The following FHIT variants were observed in gnomAD, a reference collection of about 807,000 sequenced individuals.
FHIT encodes fragile histidine triad diadenosine triphosphatase, also known as bis(5'-adenosyl)-triphosphatase.
A neutral mutation model predicts 17.9 loss-of-function variants in FHIT; 19 were observed. The observed-to-expected ratio is 1.06, with a 90% CI of 0.74 to 1.56. The LOEUF (loss-of-function observed/expected upper bound fraction) is 1.56. FHIT is among the 40% of genes most tolerant of loss of function. The probability of loss-of-function intolerance (pLI) is 0.00; values close to 1 mark genes in which losing one functional copy is unlikely to be tolerated. For missense variants in FHIT, 248 were observed against 189.2 expected (o/e 1.31, Z -1.82); for synonymous variants, 81 against 69.7 (o/e 1.16, Z -0.81).
In FHIT at chr3:59,791,285, G is replaced by T. The variant is rs181724083; in HGVS notation, c.349-38964C>A. 2.2e-4 allele frequency among the ~76,000 whole-genome samples: 33 copies of T among 152,212 alleles called. No individual in the cohort carries two copies. The East Asian group carries it at 6.2e-3, about 29-fold the overall frequency. On this transcript the variant is annotated intron_variant, in intron 8 of 9. Coordinates refer to ENST00000492590, the MANE Select transcript of FHIT (RefSeq NM_002012.4). ...CTGTAGCTTAACTTGGGCCAGCATG[G>T]TCTGTGCAAAGTTTTTATAGGCATT...
intron 3 of FHIT, among the ~76,000 whole-genome samples, chr3:61,007,867 G>A (rs978353615): frequency 6.6e-6 from 1 of 152,028 alleles, no homozygotes; most frequent in Non-Finnish European, 1.5e-5. Context: ...CACTAAATTC[G>A]GCCCCCACCC....
At chr3:60,015,281 T>C (rs982323084) in intron 5 of FHIT, among the ~76,000 whole-genome samples, 6 of 152,134 alleles carry the variant, frequency 3.9e-5, no homozygotes, top group Admixed American at 6.5e-5. Context: ...AGGCCTGATT[T>C]CCATAAGAGA....
chr3:60,956,626 G>A (rs1185727825), intron 3 of FHIT, among the ~76,000 whole-genome samples: 8 of 152,144 alleles, frequency 5.3e-5, no homozygotes, highest in African/African-American at 1.7e-4. Context: ...TGTCTACACC[G>A]GGTTTAATCA....
At chr3:61,216,897 A>C (rs2039694242) in intron 1 of FHIT, among the ~76,000 whole-genome samples, 1 of 151,992 alleles carries the variant, frequency 6.6e-6, no homozygotes, top group African/African-American at 2.4e-5. Flanking sequence ...CGCAAGGACA[A>C]AAAACCAAAC....
chr3:60,027,148 C>CAGACAAAAA lies in FHIT; in HGVS notation c.104-12997_104-12996insTTTTTGTCT, dbSNP rs1553654525. 2.9e-4 allele frequency among the ~76,000 whole-genome samples: 37 copies of CAGACAAAAA among 125,842 alleles called. 1 individual carries two copies. Among genetic ancestry groups the CAGACAAAAA allele is most frequent in the African/African-American group, 9.2e-4 (34 of 36,948 alleles). 82.6% of individuals were successfully genotyped at this position (125,842 alleles called of 152,430 possible). A position where few individuals can be genotyped will look rare whatever the true frequency, so the allele number is the denominator to read the frequency against. On this transcript the variant is annotated intron_variant, in intron 5 of 9. Coordinates refer to ENST00000492590, the MANE Select transcript of FHIT (RefSeq NM_002012.4). ...ACACACACACACACACACACACACA[C>CAGACAAAAA]AAAATTAGTAAACCCAATAATCCAC...
chr3:61,177,188 A>AG (rs2038186085), intron 2 of FHIT, among the ~76,000 whole-genome samples: 1 of 47,152 alleles, frequency 2.1e-5, no homozygotes, highest in South Asian at 9.3e-4. Flanking sequence ...AAAAAAAAAA[A>AG]AAGAAAAAGA....
intron 7 of FHIT, among the ~76,000 whole-genome samples, chr3:59,927,100 A>G (rs1165983593): frequency 2.0e-5 from 3 of 152,232 alleles, no homozygotes; most frequent in African/African-American, 7.2e-5. Flanking sequence ...AATGGTAAAC[A>G]AAGTGCAGTA....
intron 8 of FHIT, among the ~76,000 whole-genome samples, chr3:59,782,930 G>T (rs567089077): frequency 6.6e-6 from 1 of 152,112 alleles, no homozygotes; most frequent in Non-Finnish European, 1.5e-5. Context: ...CAACACACTT[G>T]CTGTGGTACC....
chr3:60,543,275 A>G (rs182387380), intron 4 of FHIT, among the ~76,000 whole-genome samples: 3 of 152,164 alleles, frequency 2.0e-5, no homozygotes, highest in Admixed American at 6.5e-5. Flanking sequence ...GGAGTTTGCC[A>G]GCTCCTGCTG....
intron 5 of FHIT, among the ~76,000 whole-genome samples, chr3:60,521,235 A>G (rs887808104): frequency 7.2e-6 from 1 of 138,026 alleles, no homozygotes; most frequent in Non-Finnish European, 1.5e-5. Context: ...AATGGACAAT[A>G]AAAAAAAAAT....
At chr3:61,175,313 C>G (rs2038125639) in intron 2 of FHIT, among the ~76,000 whole-genome samples, 1 of 152,118 alleles carries the variant, frequency 6.6e-6, no homozygotes, top group African/African-American at 2.4e-5. Context: ...CCACCACAAA[C>G]TCTCCTAAAA....
At chr3:60,059,737 T>C (rs1014956601) in intron 5 of FHIT, among the ~76,000 whole-genome samples, 1 of 152,180 alleles carries the variant, frequency 6.6e-6, no homozygotes, top group Non-Finnish European at 1.5e-5. Flanking sequence ...AGAGGTTTTC[T>C]GTGCCTACGA....
chr3:60,270,439 GC>G (rs1706806105), intron 5 of FHIT, among the ~76,000 whole-genome samples: 1 of 152,140 alleles, frequency 6.6e-6, no homozygotes, highest in African/African-American at 2.4e-5. Context: ...CAGTCCATTT[GC>G]CTCAATAACC....
intron 4 of FHIT, among the ~76,000 whole-genome samples, chr3:60,658,866 G>C (rs1254716427): frequency 1.3e-5 from 2 of 151,720 alleles, no homozygotes; most frequent in East Asian, 3.9e-4. Flanking sequence ...TCTTAACTAA[G>C]ATTCAAGTTA....
At chr3:60,597,249 C>T (rs1489795140) in intron 4 of FHIT, among the ~76,000 whole-genome samples, 3 of 151,960 alleles carry the variant, frequency 2.0e-5, no homozygotes, top group African/African-American at 7.2e-5. Flanking sequence ...TCCCTAGAGC[C>T]CTAAACCTTT....
At chr3:59,868,921 T>G (rs890476028) in intron 8 of FHIT, among the ~76,000 whole-genome samples, 19 of 152,350 alleles carry the variant, frequency 1.2e-4, no homozygotes, top group African/African-American at 4.6e-4. Context: ...TTGGATCACA[T>G]GCTTACTCCT....
chr3:60,008,511 G>A (rs969717279), intron 7 of FHIT, among the ~76,000 whole-genome samples: 1 of 152,142 alleles, frequency 6.6e-6, no homozygotes, highest in African/African-American at 2.4e-5. Flanking sequence ...TGTTCAAGAG[G>A]CTAACTCAGT....
intron 2 of FHIT, among the ~76,000 whole-genome samples, chr3:61,042,828 AG>A (rs1417887858): frequency 1.3e-5 from 2 of 150,778 alleles, no homozygotes; most frequent in Non-Finnish European, 3.0e-5. Context: ...TGACAAAGTG[AG>A]CATCTGACTC....
intron 3 of FHIT, among the ~76,000 whole-genome samples, chr3:61,025,705 G>A (rs1300851243): frequency 6.6e-6 from 1 of 151,992 alleles, no homozygotes; most frequent in African/African-American, 2.4e-5. Flanking sequence ...AGAAATGGAA[G>A]TTAAGCTCAA....
Sources: gnomAD v4.1 joint callset for allele counts (sites outside exome capture counted in the v4.1 genomes callset) on GRCh38, gnomAD v4.1.1 for gene constraint, MANE v1.5 for transcripts, NCBI Gene and HGNC (gene_info 2026-07-23, HGNC 2026-07-21) for gene names.